UBE2D2: variants seen among roughly 807,000 people sequenced by gnomAD.
The protein encoded by UBE2D2 is ubiquitin-conjugating enzyme E2 D2.
In UBE2D2, 2 loss-of-function variants were observed where a neutral mutation model predicts 24.2. The observed-to-expected ratio is 0.08, with a 90% CI of 0.03 to 0.26. The LOEUF is 0.26. Among genes scored for constraint, UBE2D2 ranks in the 10% least tolerant of loss-of-function variants. The pLI is 1.00. For missense variants in UBE2D2, 44 were observed against 177.6 expected, an observed-to-expected ratio of 0.25 and a Z score of 4.28; for synonymous variants, 58 against 56.5, an observed-to-expected ratio of 1.03 and a Z score of -0.12.
intron 2 of UBE2D2, among the ~76,000 whole-genome samples, chr5:139,607,302 G>T (rs529176756): frequency 2.0e-5 from 3 of 152,264 alleles, no homozygotes; most frequent in African/African-American, 7.2e-5. Context: ...TAAATGGTAG[G>T]TCTTTAAATG....
At chr5:139,546,469 C>T (rs193158742) in intron 1 of UBE2D2, among the ~76,000 whole-genome samples, 84 of 151,508 alleles carry the variant, frequency 5.5e-4, no homozygotes, top group African/African-American at 1.4e-3. Flanking sequence ...TGGCGTGAGC[C>T]GACTGTGCCT....
At chr5:139,615,835 T>C (rs1201806092) in intron 5 of UBE2D2, among the ~76,000 whole-genome samples, 1 of 141,686 alleles carries the variant, frequency 7.1e-6, no homozygotes, top group Non-Finnish European at 1.5e-5. Context: ...CTAGATTTTT[T>C]TTTTTTTTTT....
At chr5:139,622,637 C>T (rs1754532993) in intron 5 of UBE2D2, among the ~76,000 whole-genome samples, 1 of 151,516 alleles carries the variant, frequency 6.6e-6, no homozygotes, top group Non-Finnish European at 1.5e-5. Context: ...CGCCTGTAAT[C>T]CCAGCACTTT....
chr5:139,587,160 G>T (rs1219922101), intron 1 of UBE2D2, among the ~76,000 whole-genome samples: 1 of 152,144 alleles, frequency 6.6e-6, no homozygotes, highest in Non-Finnish European at 1.5e-5. Context: ...GAAGAGAACC[G>T]TAGAACCCAG....
At chr5:139,564,417 G>A (rs569292916) in intron 1 of UBE2D2, among the ~76,000 whole-genome samples, 2 of 150,094 alleles carry the variant, frequency 1.3e-5, no homozygotes, top group African/African-American at 2.5e-5. Context: ...GCCTCCCAAA[G>A]TGTTGGGATT....
chr5:139,542,927 C>T (rs1162910370), intron 1 of UBE2D2, among the ~76,000 whole-genome samples: 4 of 152,122 alleles, frequency 2.6e-5, no homozygotes, highest in Non-Finnish European at 4.4e-5. Context: ...GAGACGGAGT[C>T]GCTCTGTCGT....
chr5:139,566,957 G>T (rs746755490), intron 1 of UBE2D2, among the ~76,000 whole-genome samples: 2 of 151,600 alleles, frequency 1.3e-5, no homozygotes, highest in Non-Finnish European at 2.9e-5. Context: ...ATTTTTGGTC[G>T]ACATCAGTTT....
chr5:139,589,948 C>G (rs963171933), intron 1 of UBE2D2, among the ~76,000 whole-genome samples: 1 of 152,000 alleles, frequency 6.6e-6, no homozygotes, highest in Admixed American at 6.6e-5. Flanking sequence ...CCACACCCGG[C>G]TAATTTTTTG....
upstream of UBE2D2, among the ~76,000 whole-genome samples, chr5:139,557,728 T>C (rs1037225966): frequency 2.0e-5 from 3 of 151,690 alleles, no homozygotes; most frequent in East Asian, 2.0e-4. Flanking sequence ...GGCTCGGCAA[T>C]AGAGTGAGAG....
chr5:139,565,819 G>C lies in UBE2D2; in HGVS notation c.24+4004G>C, dbSNP rs560219892. ...TGGTTAATTTCTCTATTCTTGGGAA[G>C]GGTAAAAGGCTAAATAAATATCTTG... On this transcript the variant is annotated intron_variant, in intron 1 of 6. Coordinates refer to ENST00000398733, the MANE Select transcript of UBE2D2 (RefSeq NM_003339.3). Among the ~76,000 whole-genome samples, 5 of 152,258 alleles carry C rather than the reference G, an allele frequency of 3.3e-5. No homozygotes were observed. In the South Asian group the frequency reaches 1.0e-3, roughly 32 times the overall value.
intron 5 of UBE2D2, among the ~76,000 whole-genome samples, chr5:139,619,200 A>G (rs1754468502): frequency 6.6e-6 from 1 of 152,178 alleles, no homozygotes; most frequent in Non-Finnish European, 1.5e-5. Flanking sequence ...GTTTAAGAAC[A>G]GCCTGGCCAA....
At chr5:139,552,034 C>G (rs530513302) in intron 1 of UBE2D2, among the ~76,000 whole-genome samples, 3 of 152,114 alleles carry the variant, frequency 2.0e-5, no homozygotes, top group Non-Finnish European at 4.4e-5. Flanking sequence ...AATGTAAAAT[C>G]AAGTATAATT....
chr5:139,557,400 G>T (rs1752994107), upstream of UBE2D2, among the ~76,000 whole-genome samples: 1 of 151,980 alleles, frequency 6.6e-6, no homozygotes, highest in South Asian at 2.1e-4. Flanking sequence ...TTCCCCAAGT[G>T]CTGAACCTTG....
intron 1 of UBE2D2, among the ~76,000 whole-genome samples, chr5:139,574,276 G>A (rs1304928088): frequency 4.7e-5 from 6 of 128,904 alleles, no homozygotes; most frequent in African/African-American, 1.5e-4. Flanking sequence ...GTGAAACTCT[G>A]TCTCAAAAAA....
chr5:139,598,051 G>A (rs972039349), intron 1 of UBE2D2, among the ~76,000 whole-genome samples: 8 of 152,002 alleles, frequency 5.3e-5, no homozygotes, highest in African/African-American at 1.7e-4. Context: ...ACAGGCACCC[G>A]CCACCATGCC....
At chr5:139,530,181 T>A (rs543446481) in intron 1 of UBE2D2, among the ~76,000 whole-genome samples, 1 of 152,258 alleles carries the variant, frequency 6.6e-6, no homozygotes, top group Non-Finnish European at 1.5e-5. Flanking sequence ...TTCAGCAAAT[T>A]TCCAAAGTTG....
intron 1 of UBE2D2, among the ~76,000 whole-genome samples, chr5:139,590,779 CTTCTTTT>C (rs1753829196): frequency 3.6e-5 from 2 of 55,994 alleles, no homozygotes; most frequent in Non-Finnish European, 7.5e-5. Flanking sequence ...ATTTTCTCTT[CTTCTTTT>C]TTTTTTTTTT....
intron 1 of UBE2D2, 22 bp from the exon 2 acceptor site, chr5:139,600,350 C>T (rs1754045678): frequency 6.2e-7 from 1 of 1,611,680 alleles, no homozygotes; most frequent in African/African-American, 1.3e-5. Flanking sequence ...GAATATATTT[C>T]TTTTCTTTCT....
chr5:139,530,263 A>G (rs975068204), intron 1 of UBE2D2, among the ~76,000 whole-genome samples: 2 of 152,148 alleles, frequency 1.3e-5, no homozygotes, highest in Admixed American at 1.3e-4. Flanking sequence ...GGATATGTGG[A>G]CACAGAGCTT....
Sources: gnomAD v4.1 joint callset for allele counts (sites outside exome capture counted in the v4.1 genomes callset) on GRCh38, gnomAD v4.1.1 for gene constraint, MANE v1.5 for transcripts, NCBI Gene and HGNC (gene_info 2026-07-23, HGNC 2026-07-21) for gene names.